WWOX: variants seen among roughly 807,000 people sequenced by gnomAD.
WWOX encodes WW domain-containing oxidoreductase.
WWOX carries 69 observed loss-of-function variants against 46.2 expected under a neutral mutation model. The ratio of observed to expected loss-of-function variants is 1.49; its 90% CI spans 1.23 to 1.82. The LOEUF is 1.82. Among genes scored for constraint, WWOX ranks in the 40% most tolerant of loss-of-function variants. The probability of loss-of-function intolerance (pLI) is 0.00; values close to 1 mark genes in which losing one functional copy is unlikely to be tolerated. For missense variants in WWOX, 919 were observed against 542.6 expected (o/e 1.69, Z -6.89); for synonymous variants, 359 against 202.6 (o/e 1.77, Z -6.56).
At chr16:79,037,773 C>T (rs998847487) in intron 8 of WWOX, among the ~76,000 whole-genome samples, 2 of 152,092 alleles carry the variant, frequency 1.3e-5, no homozygotes, top group South Asian at 4.2e-4. Flanking sequence ...TTTTTATCCC[C>T]TACAAGGTCA....
rs1567562027 is a variant in WWOX at position 79,118,735 on chromosome 16, C to CGTGTT, written c.1057-92863_1057-92859dup. Among the ~76,000 whole-genome samples, 5 of 152,220 alleles carry CGTGTT rather than the reference C, an allele frequency of 3.3e-5. No homozygotes were observed. The South Asian group carries it at 1.0e-3, about 32-fold the overall frequency. ...TGCCTGCCTTCCAGTCTTTTTACCACGTGTTGTGTTGTGTGGTGTTTGTCC... is the reference window on the plus strand; with the variant it reads ...TGCCTGCCTTCCAGTCTTTTTACCACGTGTTGTGTTGTGTTGTGTGGTGTTTGTCC... On this transcript the variant is annotated intron_variant, in intron 8 of 8. Transcript: ENST00000566780.
intron 8 of WWOX, among the ~76,000 whole-genome samples, chr16:78,619,038 G>A (rs566102936): frequency 1.2e-3 from 177 of 146,738 alleles, no homozygotes; most frequent in African/African-American, 4.2e-3. Context: ...GCTCATGTCT[G>A]TAATTCCAGC....
intron 8 of WWOX, among the ~76,000 whole-genome samples, chr16:78,606,503 A>G (rs1045082555): frequency 6.6e-6 from 1 of 152,110 alleles, no homozygotes; most frequent in African/African-American, 2.4e-5. Context: ...ATGTCCGGGA[A>G]TTTCTTGTAC....
chr16:78,580,083 T>TG (rs2151587171), intron 8 of WWOX, among the ~76,000 whole-genome samples: 1 of 151,974 alleles, frequency 6.6e-6, no homozygotes, highest in East Asian at 1.9e-4. Flanking sequence ...AAATTTTTTT[T>TG]TTTTTTTTGA....
At chr16:78,732,042 T>C (rs535557579) in intron 8 of WWOX, among the ~76,000 whole-genome samples, 1 of 152,050 alleles carries the variant, frequency 6.6e-6, no homozygotes, top group African/African-American at 2.4e-5. Flanking sequence ...CAAAACACTT[T>C]TTGTAGAGAA....
At chr16:78,368,042 C>G (rs1464806613) in intron 5 of WWOX, among the ~76,000 whole-genome samples, 1 of 152,182 alleles carries the variant, frequency 6.6e-6, no homozygotes, top group African/African-American at 2.4e-5. Context: ...CAGGTGTGAG[C>G]CTCTGTGCCC....
intron 5 of WWOX, among the ~76,000 whole-genome samples, chr16:78,164,834 G>A (rs1480405239): frequency 6.6e-6 from 1 of 152,174 alleles, no homozygotes; most frequent in African/African-American, 2.4e-5. Flanking sequence ...TTTAATATTT[G>A]CCATAATGTC....
At chr16:79,074,236 T>A (rs8063805) in intron 8 of WWOX, among the ~76,000 whole-genome samples, 2,478 of 151,804 alleles carry the variant, frequency 0.016, 71 homozygotes, top group African/African-American at 0.056. Context: ...TCTATTTTTT[T>A]AAAAAATATA....
intron 8 of WWOX, among the ~76,000 whole-genome samples, chr16:78,801,975 A>G (rs2050902758): frequency 1.3e-5 from 2 of 152,154 alleles, no homozygotes; most frequent in South Asian, 4.1e-4. Flanking sequence ...TCTGCCTTGC[A>G]GAGAATTAAC....
intron 8 of WWOX, among the ~76,000 whole-genome samples, chr16:78,864,754 CTTTTTTTTTTTT>C (rs57606576): frequency 0.019 from 1,685 of 87,252 alleles, 55 homozygotes; most frequent in African/African-American, 0.073. Context: ...TCTCCAACTC[CTTTTTTTTTTTT>C]TTTTTTTTTT....
chr16:78,507,990 TTGCGTGCG>T lies in WWOX; in HGVS notation c.1056+75241_1056+75248del, dbSNP rs200498567. On this transcript the variant is annotated intron_variant, in intron 8 of 8. Coordinates refer to ENST00000566780, the MANE Select transcript of WWOX (RefSeq NM_016373.4). Reference sequence around the variant, plus strand: ...GACTGTGGTGTTTTTTGATTTTTGGTTGCGTGCGTGTGTGTGTGTGTGTGTGTGTGTGT... The same window carrying T: ...GACTGTGGTGTTTTTTGATTTTTGGTTGTGTGTGTGTGTGTGTGTGTGTGT... 6.2e-4 allele frequency among the ~76,000 whole-genome samples: 17 copies of T among 27,432 alleles called. No individual in the cohort carries two copies. In the South Asian group the frequency reaches 0.011, roughly 18 times the overall value. The allele number at this position is 27,432 out of a possible 152,430, so 18.0% of individuals were successfully genotyped here.
chr16:78,985,900 G>C (rs976387303), intron 8 of WWOX, among the ~76,000 whole-genome samples: 5 of 152,234 alleles, frequency 3.3e-5, no homozygotes, highest in Non-Finnish European at 7.3e-5. Flanking sequence ...AGTCCCGTCA[G>C]CCAGGATCCC....
chr16:78,829,542 T>A (rs1403655498), intron 8 of WWOX, among the ~76,000 whole-genome samples: 1 of 152,202 alleles, frequency 6.6e-6, no homozygotes, highest in Non-Finnish European at 1.5e-5. Context: ...CCCAGTCAAG[T>A]TGACACCTAC....
intron 6 of WWOX, among the ~76,000 whole-genome samples, chr16:78,402,732 G>A (rs1304421822): frequency 6.6e-6 from 1 of 152,196 alleles, no homozygotes. Context: ...GTGACAGGCT[G>A]ATTCTAAGTT....
chr16:78,817,433 C>G (rs1332174180), intron 8 of WWOX, among the ~76,000 whole-genome samples: 1 of 152,124 alleles, frequency 6.6e-6, no homozygotes, highest in Non-Finnish European at 1.5e-5. Flanking sequence ...CAGCTACCAA[C>G]AATCATAAAA....
At chr16:78,223,112 G>A (rs1246261551) in intron 5 of WWOX, among the ~76,000 whole-genome samples, 1 of 152,172 alleles carries the variant, frequency 6.6e-6, no homozygotes, top group Non-Finnish European at 1.5e-5. Flanking sequence ...CCTGCTGCTT[G>A]TAGGCTGTGA....
chr16:78,152,624 T>C (rs1365409622), intron 4 of WWOX, among the ~76,000 whole-genome samples: 3 of 152,212 alleles, frequency 2.0e-5, no homozygotes, highest in Admixed American at 6.5e-5. Flanking sequence ...ACCATGTTAA[T>C]TGTAATCTTT....
At chr16:78,702,265 G>A (rs889662699) in intron 8 of WWOX, among the ~76,000 whole-genome samples, 1 of 150,618 alleles carries the variant, frequency 6.6e-6, no homozygotes, top group African/African-American at 2.4e-5. Context: ...GGGTGACAGA[G>A]TGAGACTTTG....
chr16:78,765,336 G>C (rs867052677), intron 8 of WWOX, among the ~76,000 whole-genome samples: 4 of 152,336 alleles, frequency 2.6e-5, no homozygotes, highest in African/African-American at 9.6e-5. Flanking sequence ...ACTAGGGTGA[G>C]GGCTTTGCTC....
Sources: allele counts gnomAD v4.1 joint callset (sites outside exome capture counted in the v4.1 genomes callset), GRCh38; gene constraint gnomAD v4.1.1; transcripts MANE v1.5; gene names NCBI Gene and HGNC (gene_info 2026-07-23, HGNC 2026-07-21).